Variants in SECISBP2L observed in about 807,000 individuals in gnomAD.
SECISBP2L encodes the protein selenocysteine insertion sequence-binding protein 2-like.
In SECISBP2L, 43 loss-of-function variants were observed where a neutral mutation model predicts 114.7. That is an observed-to-expected ratio of 0.38 (90% CI 0.29 to 0.48). SECISBP2L has a LOEUF of 0.48. Among genes scored for constraint, SECISBP2L ranks in the 20% least tolerant of loss-of-function variants. SECISBP2L has a pLI of 0.98. For missense variants in SECISBP2L, 1,136 were observed against 1,301.1 expected, an observed-to-expected ratio of 0.87 and a Z score of 1.95; for synonymous variants, 451 against 439.7, an observed-to-expected ratio of 1.03 and a Z score of -0.32.
intron 1 of SECISBP2L, among the ~76,000 whole-genome samples, chr15:49,044,163 G>GA (rs750958790): frequency 3.3e-5 from 5 of 151,758 alleles, no homozygotes; most frequent in Admixed American, 1.3e-4. Context: ...GGTCTAAAGG[G>GA]AAAAAAACAT....
At chr15:49,003,405 C>G (rs931795099) in intron 14 of SECISBP2L, among the ~76,000 whole-genome samples, 1 of 152,200 alleles carries the variant, frequency 6.6e-6, no homozygotes, top group Admixed American at 6.5e-5. Context: ...TTGACTTCCT[C>G]TCTTTCTATT....
chr15:49,025,059 C>T (rs1902713453), intron 7 of SECISBP2L, among the ~76,000 whole-genome samples: 1 of 152,140 alleles, frequency 6.6e-6, no homozygotes, highest in African/African-American at 2.4e-5. Context: ...CTAGCAATTA[C>T]AGTCTCAACA....
At chr15:49,010,720 C>T (rs1392327221) in intron 13 of SECISBP2L, among the ~76,000 whole-genome samples, 1 of 152,084 alleles carries the variant, frequency 6.6e-6, no homozygotes, top group Non-Finnish European at 1.5e-5. Flanking sequence ...CCTTGTTGTC[C>T]AGGCTGGTCT....
At chr15:49,011,236 CAT>C (rs1275302249) in intron 13 of SECISBP2L, among the ~76,000 whole-genome samples, 1 of 152,134 alleles carries the variant, frequency 6.6e-6, no homozygotes, top group African/African-American at 2.4e-5. Flanking sequence ...CAACTGGAAT[CAT>C]ATGTGTTGCT....
intron 1 of SECISBP2L, among the ~76,000 whole-genome samples, chr15:49,045,724 T>C (rs1485786027): frequency 2.0e-5 from 3 of 151,884 alleles, no homozygotes; most frequent in Admixed American, 2.0e-4. Flanking sequence ...CTTTGCAAAA[T>C]AACTGGATAA....
rs1024598411 is a variant in SECISBP2L, at chr15:49,001,059, C to T, written c.2066G>A (p.Cys689Tyr). Reference sequence around the variant, plus strand: ...AAGCTCTTGGAGAAGAAGAGTCACACATTCATCAATCTCTTTACAAAGAAC... The same window carrying T: ...AAGCTCTTGGAGAAGAAGAGTCACATATTCATCAATCTCTTTACAAAGAAC... Reference protein sequence around the residue: ...NQVLCKEIDECVTLLLQELVS... With the variant: ...NQVLCKEIDEYVTLLLQELVS... Residue 689 changes from cysteine (C) to tyrosine (Y), a missense_variant, in exon 15 of 18, where the codon TGT (cysteine) becomes TAT (tyrosine). By Grantham distance (194) the Cys-to-Tyr change is radical. This residue lies in a region of SECISBP2L where 684 missense variants were observed against 848.7 expected (regional missense o/e 0.81). Coordinates refer to ENST00000559471, the MANE Select transcript of SECISBP2L (RefSeq NM_001193489.2). 2 of 1,613,352 alleles carry T rather than the reference C, an allele frequency of 1.2e-6. No individual in the cohort carries two copies. The highest frequency in any genetic ancestry group is 1.3e-5 in the African/African-American group (1 of 74,946).
rs752063029 is a variant in SECISBP2L at position 48,992,907 on chromosome 15, C to G, written c.2643G>C (p.Met881Ile). 2.0e-5 allele frequency: 32 copies of G among 1,611,712 alleles called. No homozygotes were observed. The Admixed American group carries it at 5.3e-4, about 27-fold the overall frequency. Residue 881 changes from methionine (M) to isoleucine (I), a missense_variant, in exon 18 of 18, where the codon ATG (methionine) becomes ATC (isoleucine). Physicochemically the swap from Met to Ile is conservative, Grantham distance 10. Coordinates refer to ENST00000559471, the MANE Select transcript of SECISBP2L (RefSeq NM_001193489.2). ...EKEYETNWRN[M>I]VETSDGLEAS... ...CTTCCAGTCCATCTGAAGTTTCCAC[C>G]ATGTTTCTCCAATTTGTTTCTACAA...
intron 4 of SECISBP2L, among the ~76,000 whole-genome samples, chr15:49,031,962 T>C (rs1300607147): frequency 6.6e-6 from 1 of 152,200 alleles, no homozygotes; most frequent in Non-Finnish European, 1.5e-5. Context: ...CTCCAAGTAT[T>C]TGTCAGTCTG....
chr15:49,011,431 T>C, intron 13 of SECISBP2L: 1 of 253,698 alleles, frequency 3.9e-6, no homozygotes, highest in Non-Finnish European at 7.5e-6. Flanking sequence ...AAAATGAAAA[T>C]ACTTGTGACA....
intron 7 of SECISBP2L, among the ~76,000 whole-genome samples, chr15:49,020,701 G>T (rs1162644097): frequency 1.3e-5 from 2 of 151,950 alleles, no homozygotes; most frequent in African/African-American, 2.4e-5. Flanking sequence ...TAGAAGCAGG[G>T]TCTACCTATA....
intron 4 of SECISBP2L, among the ~76,000 whole-genome samples, chr15:49,031,435 A>T (rs1902887729): frequency 6.6e-6 from 1 of 152,130 alleles, no homozygotes; most frequent in South Asian, 2.1e-4. Flanking sequence ...TGTTAATGAC[A>T]TCTTTTTTTT....
chr15:49,031,541 G>T (rs1046805459), intron 4 of SECISBP2L, among the ~76,000 whole-genome samples: 9 of 152,058 alleles, frequency 5.9e-5, no homozygotes, highest in Non-Finnish European at 1.0e-4. Context: ...TAATGAGCTT[G>T]TGTTCAAATG....
intron 8 of SECISBP2L, among the ~76,000 whole-genome samples, chr15:49,018,290 A>G (rs1902576955): frequency 7.1e-6 from 1 of 141,632 alleles, no homozygotes; most frequent in Non-Finnish European, 1.5e-5. Flanking sequence ...GAGTTTCACT[A>G]TTGTTGCCCA....
intron 17 of SECISBP2L, among the ~76,000 whole-genome samples, 154 bp from the exon 18 acceptor site, chr15:48,993,080 C>T (rs1306720919): frequency 1.4e-5 from 2 of 139,694 alleles, no homozygotes; most frequent in East Asian, 2.0e-4. Flanking sequence ...TTATTTAGTA[C>T]TAGTTTGAGA....
At chr15:49,004,643 A>G (rs1276615362) in intron 14 of SECISBP2L, among the ~76,000 whole-genome samples, 2 of 152,156 alleles carry the variant, frequency 1.3e-5, no homozygotes, top group African/African-American at 4.8e-5. Flanking sequence ...CTTTGTTCTC[A>G]TTGGTTTCAA....
intron 4 of SECISBP2L, among the ~76,000 whole-genome samples, chr15:49,031,513 T>C (rs530509209): frequency 1.1e-4 from 17 of 152,278 alleles, no homozygotes; most frequent in Non-Finnish European, 2.5e-4. Context: ...AGCTATCTTA[T>C]TATAAACTCT....
chr15:48,997,264 G>A (rs1171954440), intron 16 of SECISBP2L, among the ~76,000 whole-genome samples: 1 of 152,190 alleles, frequency 6.6e-6, no homozygotes, highest in Non-Finnish European at 1.5e-5. Flanking sequence ...TATTCTGAGT[G>A]ATGTTCAGGA....
chr15:49,044,581 G>A (rs1903204704), intron 1 of SECISBP2L, among the ~76,000 whole-genome samples: 1 of 152,100 alleles, frequency 6.6e-6, no homozygotes, highest in Non-Finnish European at 1.5e-5. Context: ...CTTTCATTTA[G>A]GGTTAGGCTG....
chr15:49,037,660 A>C lies in SECISBP2L; in HGVS notation c.134T>G (p.Val45Gly). Residue 45 changes from valine to glycine, a missense_variant, in exon 2 of 18, where the codon GTG becomes GGG. Transcript: ENST00000559471. Reference sequence around the variant, plus strand: ...GTAGCTGGGAATTGGAGTTGGTTCCACACCAGAAACACTTCCATTATCATT... The same window carrying C: ...GTAGCTGGGAATTGGAGTTGGTTCCCCACCAGAAACACTTCCATTATCATT... The part of the protein sequence containing the change: ...LPNDNGSVSG[V>G]EPTPIPSYLI... The C allele has an allele frequency of 6.2e-7, 1 of 1,613,924 alleles. No individual in the cohort carries two copies. The highest frequency in any genetic ancestry group is 2.2e-5 in the East Asian group (1 of 44,858).
Sources: allele counts gnomAD v4.1 joint callset (sites outside exome capture counted in the v4.1 genomes callset), GRCh38; gene constraint gnomAD v4.1.1; regional missense constraint gnomAD v4.1.1; transcripts MANE v1.5; gene names NCBI Gene and HGNC (gene_info 2026-07-23, HGNC 2026-07-21).